The following GRM5 variants were observed in gnomAD, a reference collection of about 807,000 sequenced individuals.
The protein encoded by GRM5 is glutamate metabotropic receptor 5, also known as metabotropic glutamate receptor 5.
A neutral mutation model predicts 83.1 loss-of-function variants in GRM5; 19 were observed. The observed-to-expected ratio is 0.23, with a 90% CI of 0.16 to 0.34. GRM5 has a LOEUF of 0.34. Among genes scored for constraint, GRM5 ranks in the 10% least tolerant of loss-of-function variants. The pLI is 1.00. For synonymous variants in GRM5, 675 were observed against 633.6 expected (o/e 1.07, Z -0.98); for missense variants, 1,160 against 1,588.3 (o/e 0.73, Z 4.58).
chr11:88,893,438 G>A (rs1311821157), intron 2 of GRM5, among the ~76,000 whole-genome samples: 3 of 151,982 alleles, frequency 2.0e-5, no homozygotes, highest in Non-Finnish European at 2.9e-5. Context: ...AAAAAGAATA[G>A]TTGGTCGTTT....
Position 88,512,654 on chromosome 11 carries a change from G to A in GRM5, c.2727-3150C>T, listed in dbSNP as rs551967391. ...TTCTTATTCTGGATCTGCCATCCCAGATACTTGGAAAAGAATAATCTTTTT... is the reference window on the plus strand; with the variant it reads ...TTCTTATTCTGGATCTGCCATCCCAAATACTTGGAAAAGAATAATCTTTTT... On this transcript the variant is annotated intron_variant, in intron 9 of 9. Coordinates refer to ENST00000305447, the MANE Select transcript of GRM5 (RefSeq NM_001143831.3). 6.6e-5 allele frequency among the ~76,000 whole-genome samples: 10 copies of A among 152,272 alleles called. No homozygotes were observed. The South Asian group carries it at 2.1e-3, about 32-fold the overall frequency.
At chr11:88,603,815 T>A (rs966290232) in intron 5 of GRM5, among the ~76,000 whole-genome samples, 1 of 152,148 alleles carries the variant, frequency 6.6e-6, no homozygotes, top group African/African-American at 2.4e-5. Flanking sequence ...GTGTGAATTG[T>A]TGGGGATTCA....
chr11:88,988,867 A>G (rs1437099076), intron 2 of GRM5, among the ~76,000 whole-genome samples: 2 of 147,850 alleles, frequency 1.4e-5, no homozygotes, highest in African/African-American at 5.0e-5. Flanking sequence ...GAAGTGCTAA[A>G]CATGGAAAGG....
intron 3 of GRM5, among the ~76,000 whole-genome samples, chr11:88,775,803 G>A (rs2135455614): frequency 6.6e-6 from 1 of 152,318 alleles, no homozygotes; most frequent in Non-Finnish European, 1.5e-5. Context: ...TGGTCTGAGA[G>A]ACAGTTTGTT....
chr11:88,707,965 T>C (rs552930720), intron 3 of GRM5, among the ~76,000 whole-genome samples: 1 of 152,238 alleles, frequency 6.6e-6, no homozygotes, highest in African/African-American at 2.4e-5. Context: ...GATTATGGTC[T>C]TTCTTTTATC....
chr11:88,813,718 G>A (rs13377217), intron 3 of GRM5, among the ~76,000 whole-genome samples: 3,874 of 152,108 alleles, frequency 0.025, 174 homozygotes, highest in African/African-American at 0.089. Flanking sequence ...ATTAAGCAAA[G>A]TAGATACACA....
In GRM5 at chr11:89,047,908, G is replaced by C. The variant is rs1226332678; in HGVS notation, c.-36C>G. On this transcript the variant is annotated 5_prime_UTR_variant, in exon 2 of 10. Transcript: ENST00000305447. This position sits in a 1 kb window ranked among gnomAD's most constrained non-coding sequence, Gnocchi z 5.1. The stretch of plus-strand genomic sequence containing the variant: ...GAGTTCAAGCCAATAAAGATAGCAT[G>C]GTGGGGAAAATTCAGGAGGGTTCTG... 6.4e-7 allele frequency: 1 copy of C among 1,555,532 alleles called. No homozygotes were observed.
intron 3 of GRM5, among the ~76,000 whole-genome samples, chr11:88,776,615 C>T (rs1942856537): frequency 6.6e-6 from 1 of 152,164 alleles, no homozygotes; most frequent in Admixed American, 6.5e-5. Context: ...CCTGCGGGAG[C>T]TCTTGTAACG....
At chr11:88,675,063 T>G (rs1158607396) in intron 3 of GRM5, among the ~76,000 whole-genome samples, 1 of 151,994 alleles carries the variant, frequency 6.6e-6, no homozygotes, top group Non-Finnish European at 1.5e-5. Context: ...TCATGTTCAC[T>G]TAGTCCAGTG....
intron 3 of GRM5, among the ~76,000 whole-genome samples, chr11:88,655,695 A>G (rs1028655061): frequency 6.7e-6 from 1 of 149,138 alleles, no homozygotes; most frequent in East Asian, 2.0e-4. Flanking sequence ...TGAGGTATAT[A>G]TCTTTTCTGT....
chr11:88,720,600 A>C (rs1439658046), intron 3 of GRM5, among the ~76,000 whole-genome samples: 2 of 152,114 alleles, frequency 1.3e-5, no homozygotes, highest in Non-Finnish European at 2.9e-5. Context: ...GCAGAAAAAA[A>C]CAGCTACTGG....
intron 7 of GRM5, 96 bp from the exon 8 acceptor site, chr11:88,568,088 T>A: frequency 1.4e-6 from 1 of 708,360 alleles, no homozygotes; most frequent in South Asian, 1.9e-5. Flanking sequence ...ACCATTTCAG[T>A]TTGTTCCCCA....
chr11:88,804,593 G>A (rs1057331031), intron 3 of GRM5, among the ~76,000 whole-genome samples: 1 of 151,816 alleles, frequency 6.6e-6, no homozygotes, highest in Non-Finnish European at 1.5e-5. Context: ...GCTAAATGAC[G>A]AGTTAATGGG....
rs191060311 is a variant in GRM5 at position 88,753,355 on chromosome 11, G to A, written c.911+96551C>T. On this transcript the variant is annotated intron_variant, in intron 3 of 9. Transcript: ENST00000305447. ...CCAATAAACATATGAAAAAAGCTCA[G>A]TATTACTGATCATTAGATAAATGTA... Among the ~76,000 whole-genome samples, 3 of 152,210 alleles carry A rather than the reference G, an allele frequency of 2.0e-5. No individual in the cohort carries two copies. The East Asian group carries it at 5.8e-4, about 29-fold the overall frequency.
chr11:88,753,170 C>A lies in GRM5; in HGVS notation c.911+96736G>T, dbSNP rs930267908. The stretch of plus-strand genomic sequence containing the variant: ...TAAACTATCAGACTGAACAGACAAC[C>A]TACAGATTGGGGGAAATTTTCTGCA... On this transcript the variant is annotated intron_variant, in intron 3 of 9. Coordinates refer to ENST00000305447, the MANE Select transcript of GRM5 (RefSeq NM_001143831.3). Among the ~76,000 whole-genome samples the A allele has an allele frequency of 2.6e-4, 39 of 152,158 alleles. 1 individual carries two copies. The highest frequency in any genetic ancestry group is 9.2e-4 in the African/African-American group (38 of 41,516).
chr11:88,777,327 A>G (rs1220611081), intron 3 of GRM5, among the ~76,000 whole-genome samples: 1 of 152,174 alleles, frequency 6.6e-6, no homozygotes, highest in Admixed American at 6.5e-5. Context: ...TATTCTAGCT[A>G]GCCATTCATC....
intron 2 of GRM5, among the ~76,000 whole-genome samples, chr11:88,980,164 T>C (rs1000859647): frequency 1.3e-5 from 2 of 152,220 alleles, no homozygotes; most frequent in Non-Finnish European, 2.9e-5. Context: ...CTCCTAGTTT[T>C]ATAATTGAAA....
chr11:88,684,068 T>A (rs1257924424), intron 3 of GRM5, among the ~76,000 whole-genome samples: 1 of 152,048 alleles, frequency 6.6e-6, no homozygotes, highest in East Asian at 1.9e-4. Context: ...GAAAACAATG[T>A]CCTGGGAAGA....
intron 3 of GRM5, among the ~76,000 whole-genome samples, chr11:88,729,541 T>G (rs1169511104): frequency 6.6e-6 from 1 of 152,190 alleles, no homozygotes; most frequent in Non-Finnish European, 1.5e-5. Context: ...AAAATTCATA[T>G]GGAACCATAA....
Sources: gnomAD v4.1 joint callset for allele counts (sites outside exome capture counted in the v4.1 genomes callset) on GRCh38, gnomAD v4.1.1 for gene constraint, Gnocchi (gnomAD v3.1) non-coding constraint, MANE v1.5 for transcripts, NCBI Gene and HGNC (gene_info 2026-07-23, HGNC 2026-07-21) for gene names.